PPFIA2: variants seen among roughly 807,000 people sequenced by gnomAD.
PPFIA2 encodes the protein liprin-alpha-2.
A neutral mutation model predicts 175.5 loss-of-function variants in PPFIA2; 46 were observed. That is an observed-to-expected ratio of 0.26 (90% CI 0.21 to 0.34). The LOEUF is 0.34. Ranked by LOEUF, PPFIA2 falls within the 10% of genes least tolerant of loss-of-function variation. The pLI, the probability that PPFIA2 is intolerant of heterozygous loss-of-function variation, is 1.00. For missense variants in PPFIA2, 1,179 were observed against 1,506.1 expected, an observed-to-expected ratio of 0.78 and a Z score of 3.60; for synonymous variants, 568 against 511.4, an observed-to-expected ratio of 1.11 and a Z score of -1.49.
chr12:81,347,161 A>C (rs1595247936), intron 18 of PPFIA2, among the ~76,000 whole-genome samples: 2 of 151,532 alleles, frequency 1.3e-5, no homozygotes, highest in East Asian at 3.9e-4. Flanking sequence ...TATGTTTCTT[A>C]GGCTAGTCTT....
At chr12:81,382,628 G>A (rs1387521646) in intron 9 of PPFIA2, among the ~76,000 whole-genome samples, 1 of 152,106 alleles carries the variant, frequency 6.6e-6, no homozygotes, top group Non-Finnish European at 1.5e-5. Context: ...GTGTGTGAGG[G>A]GAGAGATCTT....
intron 4 of PPFIA2, among the ~76,000 whole-genome samples, 160 bp from the exon 5 acceptor site, chr12:81,458,026 A>C (rs1385377671): frequency 6.6e-6 from 1 of 152,186 alleles, no homozygotes; most frequent in Non-Finnish European, 1.5e-5. Flanking sequence ...ATTATTCAAA[A>C]CATGCTAATC....
At chr12:81,436,533 C>T (rs1255145190) in intron 7 of PPFIA2, among the ~76,000 whole-genome samples, 1 of 151,802 alleles carries the variant, frequency 6.6e-6, no homozygotes, top group Non-Finnish European at 1.5e-5. Flanking sequence ...CCTAAAGCTG[C>T]TAATAGTATG....
At chr12:81,279,919 T>G (rs2041647636) in intron 27 of PPFIA2, among the ~76,000 whole-genome samples, 1 of 152,056 alleles carries the variant, frequency 6.6e-6, no homozygotes, top group African/African-American at 2.4e-5. Flanking sequence ...AGGATCTACA[T>G]CTGTGTTAAC....
chr12:81,501,107 A>G (rs1370064650), intron 4 of PPFIA2, among the ~76,000 whole-genome samples: 1 of 152,214 alleles, frequency 6.6e-6, no homozygotes, highest in Non-Finnish European at 1.5e-5. Context: ...AAGCCAAGTC[A>G]TCCTTTAGCC....
At chr12:81,346,056 T>C (rs1001697470) in intron 18 of PPFIA2, among the ~76,000 whole-genome samples, 3 of 152,266 alleles carry the variant, frequency 2.0e-5, no homozygotes, top group Non-Finnish European at 2.9e-5. Context: ...CTGTCTTCTT[T>C]TTAAAAAAAA....
At chr12:81,274,706 C>T (rs1304221856) in intron 28 of PPFIA2, among the ~76,000 whole-genome samples, 1 of 152,146 alleles carries the variant, frequency 6.6e-6, no homozygotes, top group Non-Finnish European at 1.5e-5. Flanking sequence ...CTCTTCACTT[C>T]AGAAAACTAT....
At chr12:81,706,260 C>G (rs1352416825) in intron 3 of PPFIA2, among the ~76,000 whole-genome samples, 3 of 152,264 alleles carry the variant, frequency 2.0e-5, no homozygotes, top group East Asian at 3.9e-4. Flanking sequence ...ACACTATGTA[C>G]TGCATAAGTA....
intron 28 of PPFIA2, among the ~76,000 whole-genome samples, chr12:81,276,900 A>T (rs149081604): frequency 6.6e-6 from 1 of 152,290 alleles, no homozygotes; most frequent in East Asian, 1.9e-4. Flanking sequence ...ACAAAAATAA[A>T]ATTGCTGGGG....
chr12:81,465,735 A>C (rs934107073), intron 4 of PPFIA2, among the ~76,000 whole-genome samples: 1 of 152,182 alleles, frequency 6.6e-6, no homozygotes, highest in Non-Finnish European at 1.5e-5. Context: ...TTAATAACAG[A>C]AGTATTACAT....
chr12:81,398,444 G>A (rs545872789), intron 8 of PPFIA2, among the ~76,000 whole-genome samples: 1 of 151,986 alleles, frequency 6.6e-6, no homozygotes, highest in Non-Finnish European at 1.5e-5. Flanking sequence ...ATAAAATCAG[G>A]TAGTTTTTAT....
At chr12:81,681,389 A>T (rs530316310) in intron 3 of PPFIA2, among the ~76,000 whole-genome samples, 1 of 152,006 alleles carries the variant, frequency 6.6e-6, no homozygotes, top group East Asian at 1.9e-4. Context: ...TGGCATGAAA[A>T]CCCAGTAAAC....
intron 4 of PPFIA2, among the ~76,000 whole-genome samples, chr12:81,566,424 T>A (rs574182367): frequency 6.7e-6 from 1 of 149,284 alleles, no homozygotes; most frequent in South Asian, 2.1e-4. Flanking sequence ...CTCGGGAGGT[T>A]GAGGCAGAAG....
chr12:81,309,238 A>G lies in PPFIA2; in HGVS notation c.2643-9856T>C, dbSNP rs1402416100. On this transcript the variant is annotated intron_variant, in intron 22 of 32. Transcript: ENST00000549396. ...CTTATTATTCAGGAATCCATACTTGATTAAGTCTGTAAAAACTAAAACTAC... is the reference window on the plus strand; with the variant it reads ...CTTATTATTCAGGAATCCATACTTGGTTAAGTCTGTAAAAACTAAAACTAC... 3.9e-5 allele frequency among the ~76,000 whole-genome samples: 6 copies of G among 152,162 alleles called. No homozygotes were observed. The East Asian group carries it at 9.6e-4, about 24-fold the overall frequency.
At chr12:81,481,423 C>G (rs1168525550) in intron 4 of PPFIA2, among the ~76,000 whole-genome samples, 1 of 152,034 alleles carries the variant, frequency 6.6e-6, no homozygotes, top group African/African-American at 2.4e-5. Context: ...ATAAAGAGCC[C>G]GCATAGCCAA....
At chr12:81,655,328 C>T (rs2067617828) in intron 4 of PPFIA2, among the ~76,000 whole-genome samples, 2 of 151,198 alleles carry the variant, frequency 1.3e-5, no homozygotes, top group South Asian at 4.2e-4. Flanking sequence ...TTATTTTTTT[C>T]TATATATTTT....
chr12:81,349,391 C>T (rs2059628520), intron 17 of PPFIA2, among the ~76,000 whole-genome samples: 2 of 152,116 alleles, frequency 1.3e-5, no homozygotes, highest in South Asian at 4.1e-4. Context: ...TAATTATAAT[C>T]TTTCACTTAG....
At chr12:81,444,349 C>A (rs1209822793) in intron 6 of PPFIA2, among the ~76,000 whole-genome samples, 1 of 152,048 alleles carries the variant, frequency 6.6e-6, no homozygotes, top group Non-Finnish European at 1.5e-5. Flanking sequence ...CAAACATGTG[C>A]TATGGAGCCT....
chr12:81,683,079 T>C (rs1327791022), intron 3 of PPFIA2, among the ~76,000 whole-genome samples: 2 of 152,072 alleles, frequency 1.3e-5, no homozygotes, highest in Non-Finnish European at 2.9e-5. Flanking sequence ...CTTAGATGTA[T>C]TATAGCCATG....
Sources: gnomAD v4.1 joint callset for allele counts (sites outside exome capture counted in the v4.1 genomes callset) on GRCh38, gnomAD v4.1.1 for gene constraint, MANE v1.5 for transcripts, NCBI Gene and HGNC (gene_info 2026-07-23, HGNC 2026-07-21) for gene names.